GAB1: variants seen among roughly 807,000 people sequenced by gnomAD.
GAB1 encodes the protein GRB2 associated binding protein 1.
In GAB1, 19 loss-of-function variants were observed where a neutral mutation model predicts 66.5. The ratio of observed to expected loss-of-function variants is 0.29; its 90% CI spans 0.20 to 0.42. The LOEUF (loss-of-function observed/expected upper bound fraction) is 0.42. GAB1 is among the 10% of genes least tolerant of loss of function. GAB1 has a pLI of 1.00. For synonymous variants in GAB1, 294 were observed against 301.4 expected (o/e 0.98, Z 0.25); for missense variants, 732 against 858.5 (o/e 0.85, Z 1.84).
At chr4:143,393,279 T>C (rs1731276139) in intron 1 of GAB1, among the ~76,000 whole-genome samples, 1 of 151,724 alleles carries the variant, frequency 6.6e-6, no homozygotes, top group South Asian at 2.1e-4. Flanking sequence ...ACCATGTGTG[T>C]AGCCTACAAA....
rs575803886 is a variant in GAB1, at chr4:143,409,393, C to T, written c.73-6084C>T. Among the ~76,000 whole-genome samples the T allele has an allele frequency of 4.0e-5, 6 of 149,734 alleles. 1 individual carries two copies. Among genetic ancestry groups the T allele is most frequent in the East Asian group, 2.0e-4 (1 of 5,044 alleles). ...AATAACAACTTTGAACTTTCCCCCC[C>T]CCCGCTCTGAAATCTTTTCATTTAG... On this transcript the variant is annotated intron_variant, in intron 1 of 9. Transcript: ENST00000262994.
At chr4:143,440,405 A>C (rs1376630774) in intron 6 of GAB1, 23 bp downstream of exon 6, 6 of 1,575,044 alleles carry the variant, frequency 3.8e-6, no homozygotes, top group Non-Finnish European at 8.6e-7. Context: ...TGGCAAAGTA[A>C]AAGGCTTGGG....
Position 143,337,236 on chromosome 4 carries a change from C to T in GAB1, c.48C>T (p.Pro16=), listed in dbSNP as rs758369672. 6.3e-7 allele frequency: 1 copy of T among 1,584,276 alleles called. No individual in the cohort carries two copies. Among genetic ancestry groups the T allele is most frequent in the Non-Finnish European group, 8.6e-7 (1 of 1,164,938 alleles). ...VVCSGWLRKS[P]PEKKLKRYAW... ...GCTCCGGATGGCTCCGCAAGTCCCCCCCGGAGAAAAAGTTGAAGCGTTATG... is the reference window on the plus strand; with the variant it reads ...GCTCCGGATGGCTCCGCAAGTCCCCTCCGGAGAAAAAGTTGAAGCGTTATG... The change falls in exon 1 of 10, where the codon CCC becomes CCT. Residue 16 remains proline, a synonymous_variant. Coordinates refer to ENST00000262994, the MANE Select transcript of GAB1 (RefSeq NM_002039.4).
At chr4:143,341,815 C>A (rs145649405) in intron 1 of GAB1, among the ~76,000 whole-genome samples, 364 of 152,284 alleles carry the variant, frequency 2.4e-3, no homozygotes, top group African/African-American at 8.2e-3. Context: ...CTCCTTGGTT[C>A]AAGGACAACC....
In GAB1 at chr4:143,373,870, T is replaced by TAA. The variant is rs1261588757; in HGVS notation, c.72+36611_72+36612insAA. On this transcript the variant is annotated intron_variant, in intron 1 of 9. Transcript: ENST00000262994. ...CTCTCTCTCTCTGTAAATAAATAAA[T>TAA]ATATATATATATATATTTTTACCTT... Among the ~76,000 whole-genome samples, 709 of 126,834 alleles carry TAA rather than the reference T, an allele frequency of 5.6e-3. 45 individuals carry two copies. Among genetic ancestry groups the TAA allele is most frequent in the African/African-American group, 0.013 (403 of 30,728 alleles). The allele number at this position is 126,834 out of a possible 152,430, so 83.2% of individuals were successfully genotyped here. A position where few individuals can be genotyped will look rare whatever the true frequency, so the allele number is the denominator to read the frequency against.
chr4:143,406,276 T>C (rs1732037728), intron 1 of GAB1, among the ~76,000 whole-genome samples: 1 of 152,174 alleles, frequency 6.6e-6, no homozygotes, highest in African/African-American at 2.4e-5. Flanking sequence ...CATTATTTCC[T>C]TAGGTGAGAG....
chr4:143,381,562 T>C (rs1258339925), intron 1 of GAB1, among the ~76,000 whole-genome samples: 1 of 152,212 alleles, frequency 6.6e-6, no homozygotes, highest in Non-Finnish European at 1.5e-5. Flanking sequence ...CTGAGACTAA[T>C]GGCATTTACC....
chr4:143,434,392 A>G (rs1733834792), intron 3 of GAB1, among the ~76,000 whole-genome samples: 1 of 149,592 alleles, frequency 6.7e-6, no homozygotes, highest in Non-Finnish European at 1.5e-5. Context: ...TTAGGAGACA[A>G]GGGCTTGCTC....
intron 6 of GAB1, among the ~76,000 whole-genome samples, chr4:143,444,778 T>G (rs981736202): frequency 3.3e-5 from 5 of 152,124 alleles, no homozygotes; most frequent in Admixed American, 6.5e-5. Context: ...CCTTCCCCTC[T>G]CTGGTAGTAC....
At chr4:143,419,426 T>A (rs973787965) in intron 2 of GAB1, among the ~76,000 whole-genome samples, 2 of 152,126 alleles carry the variant, frequency 1.3e-5, no homozygotes, top group African/African-American at 4.8e-5. Context: ...AACTCCCAAT[T>A]CCTTACAAAA....
At chr4:143,352,747 A>G (rs149028378) in intron 1 of GAB1, among the ~76,000 whole-genome samples, 4 of 152,358 alleles carry the variant, frequency 2.6e-5, no homozygotes, top group African/African-American at 9.6e-5. Flanking sequence ...AGGGAAAAAG[A>G]GACAAGAAAT....
rs28989195 is a variant in GAB1 at position 143,346,253 on chromosome 4, A to G, written c.72+8993A>G. 9.8e-3 allele frequency among the ~76,000 whole-genome samples: 1,493 copies of G among 152,368 alleles called. 16 individuals carry two copies. The highest frequency in any genetic ancestry group is 0.034 in the African/African-American group (1,395 of 41,594). On this transcript the variant is annotated intron_variant, in intron 1 of 9. Transcript: ENST00000262994. ...TGTCACTCTTACTTAGTAATCAAGA[A>G]TAGAAATAATAATGTTCCAACTAGC...
intron 3 of GAB1, chr4:143,434,191 G>T (rs1471121612): frequency 8.4e-7 from 1 of 1,192,640 alleles, no homozygotes; most frequent in South Asian, 1.3e-5. Context: ...TGGTGGTTTT[G>T]GATCTGTGTG....
At position 143,459,539 on chromosome 4, in the gene GAB1, A is replaced by T. The variant is rs547518277; in HGVS notation, c.1679+61A>T. ...ATAATGTGACTATCTAGAATTGTTC[A>T]TTATCATGGAAAATATCTGGAATAG... On this transcript the variant is annotated intron_variant, in intron 7 of 9. Coordinates refer to ENST00000262994, the MANE Select transcript of GAB1 (RefSeq NM_002039.4). 67 of 953,380 alleles carry T rather than the reference A, an allele frequency of 7.0e-5. No individual in the cohort carries two copies. The East Asian group carries it at 1.6e-3, about 22-fold the overall frequency. The allele number at this position is 953,380 out of a possible 1,614,324, so 59.1% of individuals were successfully genotyped here.
intron 1 of GAB1, among the ~76,000 whole-genome samples, chr4:143,398,391 G>A (rs1022654626): frequency 1.3e-5 from 2 of 152,032 alleles, no homozygotes; most frequent in Admixed American, 6.5e-5. Flanking sequence ...TGTTGCAGGG[G>A]GAAGTTTTAT....
chr4:143,364,090 AG>A (rs1246829847), intron 1 of GAB1, among the ~76,000 whole-genome samples: 2 of 151,592 alleles, frequency 1.3e-5, no homozygotes, highest in Non-Finnish European at 2.9e-5. Flanking sequence ...TGGGAGGCTG[AG>A]GCAGGAGAAT....
At chr4:143,468,457 C>T (rs1735914767) in intron 9 of GAB1, among the ~76,000 whole-genome samples, 1 of 151,288 alleles carries the variant, frequency 6.6e-6, no homozygotes, top group African/African-American at 2.4e-5. Flanking sequence ...TCGTGATCCA[C>T]CCATCTTGGC....
intron 1 of GAB1, among the ~76,000 whole-genome samples, chr4:143,412,026 A>C (rs1732419639): frequency 6.6e-6 from 1 of 152,192 alleles, no homozygotes; most frequent in Non-Finnish European, 1.5e-5. Flanking sequence ...GTCTTGTATA[A>C]TGTCTACTCA....
At chr4:143,425,972 A>T (rs1733331110) in intron 2 of GAB1, 9 of 720,882 alleles carry the variant, frequency 1.2e-5, no homozygotes, top group Non-Finnish European at 2.3e-6. Flanking sequence ...GAAAATAAAC[A>T]TCAGTATCTA....
Sources: allele counts gnomAD v4.1 joint callset (sites outside exome capture counted in the v4.1 genomes callset), GRCh38; gene constraint gnomAD v4.1.1; transcripts MANE v1.5; gene names NCBI Gene and HGNC (gene_info 2026-07-23, HGNC 2026-07-21).